Variants in CCSER1 observed in about 807,000 individuals in gnomAD.
CCSER1 encodes the protein serine-rich coiled-coil domain-containing protein 1.
A neutral mutation model predicts 82.0 loss-of-function variants in CCSER1; 41 were observed. The observed-to-expected ratio is 0.50, with a 90% CI of 0.39 to 0.65. The LOEUF (loss-of-function observed/expected upper bound fraction) is 0.65, where lower values mean the gene tolerates loss of function less well. Ranked by LOEUF, CCSER1 falls within the 30% of genes least tolerant of loss-of-function variation. The probability of loss-of-function intolerance (pLI) is 0.00; values close to 1 mark genes in which losing one functional copy is unlikely to be tolerated. For missense variants in CCSER1, 1,119 were observed against 1,064.2 expected, an observed-to-expected ratio of 1.05 and a Z score of -0.72; for synonymous variants, 414 against 383.9, an observed-to-expected ratio of 1.08 and a Z score of -0.92.
chr4:91,316,515 G>T (rs1049542671), intron 10 of CCSER1, among the ~76,000 whole-genome samples: 8 of 152,096 alleles, frequency 5.3e-5, no homozygotes, highest in Middle Eastern at 3.4e-3. Flanking sequence ...GCAATTGATT[G>T]TAAAGTAGGA....
intron 10 of CCSER1, among the ~76,000 whole-genome samples, chr4:91,137,603 G>A (rs1302743207): frequency 7.3e-6 from 1 of 137,332 alleles, no homozygotes; most frequent in East Asian, 2.2e-4. Flanking sequence ...TTCCACAATG[G>A]TTGAACTAGT....
intron 6 of CCSER1, among the ~76,000 whole-genome samples, chr4:90,686,979 G>A (rs1192538629): frequency 6.6e-6 from 1 of 152,076 alleles, no homozygotes; most frequent in African/African-American, 2.4e-5. Context: ...TAATGTAGTG[G>A]GGGTCCCCAA....
intron 5 of CCSER1, among the ~76,000 whole-genome samples, chr4:90,605,346 T>C (rs1784557492): frequency 6.6e-6 from 1 of 152,196 alleles, no homozygotes. Context: ...TGCCAAAGTA[T>C]GCATGTGTTG....
intron 5 of CCSER1, among the ~76,000 whole-genome samples, chr4:90,484,384 T>A (rs569851479): frequency 4.7e-4 from 71 of 152,322 alleles, no homozygotes; most frequent in African/African-American, 1.5e-3. Flanking sequence ...TCAAAGTCAT[T>A]CTCCATCCAG....
chr4:90,978,147 C>T (rs1267630530), intron 9 of CCSER1, among the ~76,000 whole-genome samples: 7 of 151,606 alleles, frequency 4.6e-5, no homozygotes, highest in Non-Finnish European at 7.4e-5. Flanking sequence ...GAACTAACAG[C>T]AAATGACCTA....
At chr4:90,853,070 T>A (rs1764069156) in intron 8 of CCSER1, among the ~76,000 whole-genome samples, 1 of 151,684 alleles carries the variant, frequency 6.6e-6, no homozygotes, top group Non-Finnish European at 1.5e-5. Flanking sequence ...TAAATATATA[T>A]AGTATCAAAA....
chr4:90,746,467 G>A (rs1469041294), intron 7 of CCSER1, among the ~76,000 whole-genome samples: 18 of 152,116 alleles, frequency 1.2e-4, no homozygotes, highest in Non-Finnish European at 2.2e-4. Flanking sequence ...CATAATATCA[G>A]CCTACCAAGT....
rs912621855 is a variant in CCSER1, at chr4:91,201,111, T to A, written c.2217+115117T>A. 3.3e-5 allele frequency among the ~76,000 whole-genome samples: 5 copies of A among 152,088 alleles called. No individual in the cohort carries two copies. In the South Asian group the frequency reaches 1.0e-3, roughly 31 times the overall value. ...CTTTATCACAATTTCCTCATGTGGC[T>A]GTTCTCCAGCATCCTCATATATAAT... On this transcript the variant is annotated intron_variant, in intron 10 of 10. Coordinates refer to ENST00000509176, the MANE Select transcript of CCSER1 (RefSeq NM_001145065.2).
chr4:91,262,272 A>G lies in CCSER1; in HGVS notation c.2217+176278A>G, dbSNP rs113212578. Among the ~76,000 whole-genome samples, 384 of 152,218 alleles carry G rather than the reference A, an allele frequency of 2.5e-3. 2 individuals are homozygous for G. Among genetic ancestry groups the G allele is most frequent in the African/African-American group, 8.9e-3 (369 of 41,562 alleles). On this transcript the variant is annotated intron_variant, in intron 10 of 10. Transcript: ENST00000509176. ...CTCTTAAGTTTCTTGTGAGTTTACA[A>G]TAATTAATGTTCTTTATACATTTAG...
At chr4:90,446,097 A>G (rs1760608039) in intron 4 of CCSER1, among the ~76,000 whole-genome samples, 1 of 152,112 alleles carries the variant, frequency 6.6e-6, no homozygotes, top group Non-Finnish European at 1.5e-5. Context: ...GAGGGAAGAA[A>G]ATTTGTATTT....
chr4:91,095,658 C>T (rs761477469), intron 10 of CCSER1, among the ~76,000 whole-genome samples: 37 of 152,168 alleles, frequency 2.4e-4, no homozygotes, highest in Admixed American at 9.2e-4. Flanking sequence ...AGTGTACATA[C>T]GATAGGCCTC....
intron 6 of CCSER1, among the ~76,000 whole-genome samples, chr4:90,704,450 G>C (rs972023847): frequency 6.6e-6 from 1 of 152,050 alleles, no homozygotes; most frequent in East Asian, 1.9e-4. Flanking sequence ...CAATTATGTG[G>C]CTTGAAGTTG....
chr4:90,891,959 A>T (rs772217099), intron 8 of CCSER1, among the ~76,000 whole-genome samples: 17 of 152,090 alleles, frequency 1.1e-4, no homozygotes, highest in Non-Finnish European at 1.8e-4. Context: ...TACACTGCTA[A>T]ACCAACTTCA....
chr4:91,447,977 T>A (rs898727786), intron 10 of CCSER1, among the ~76,000 whole-genome samples: 1 of 152,102 alleles, frequency 6.6e-6, no homozygotes, highest in Admixed American at 6.6e-5. Flanking sequence ...TTTAGATGTT[T>A]ATGTGAGTGT....
chr4:91,297,002 C>T (rs1744232090), intron 10 of CCSER1, among the ~76,000 whole-genome samples: 1 of 151,452 alleles, frequency 6.6e-6, no homozygotes, highest in African/African-American at 2.4e-5. Flanking sequence ...CAAGATATTG[C>T]CAGCAATCCT....
At chr4:91,430,478 C>A (rs1393856937) in intron 10 of CCSER1, among the ~76,000 whole-genome samples, 1 of 152,180 alleles carries the variant, frequency 6.6e-6, no homozygotes, top group East Asian at 1.9e-4. Flanking sequence ...CCAGTATGCA[C>A]ATGTGTGCAT....
chr4:91,479,913 C>T (rs1487644418), intron 10 of CCSER1, among the ~76,000 whole-genome samples: 15 of 124,870 alleles, frequency 1.2e-4, no homozygotes, highest in Non-Finnish European at 2.3e-4. Context: ...CCACCACAGT[C>T]CCCAGAGTGT....
intron 10 of CCSER1, among the ~76,000 whole-genome samples, chr4:91,218,324 C>G (rs1737457319): frequency 6.6e-6 from 1 of 152,218 alleles, no homozygotes; most frequent in South Asian, 2.1e-4. Flanking sequence ...GGGCCGCACG[C>G]AGCCCCGGTT....
intron 4 of CCSER1, among the ~76,000 whole-genome samples, chr4:90,445,311 C>A (rs746736901): frequency 6.6e-6 from 1 of 152,032 alleles, no homozygotes; most frequent in Non-Finnish European, 1.5e-5. Context: ...TATTAAATAT[C>A]GCTTCAAAGA....
Sources: allele counts gnomAD v4.1 joint callset (sites outside exome capture counted in the v4.1 genomes callset), GRCh38; gene constraint gnomAD v4.1.1; transcripts MANE v1.5; gene names NCBI Gene and HGNC (gene_info 2026-07-23, HGNC 2026-07-21).